UBAP2: variants seen among roughly 807,000 people sequenced by gnomAD.
The protein encoded by UBAP2 is ubiquitin-associated protein 2.
In UBAP2, 75 loss-of-function variants were observed where a neutral mutation model predicts 139.6. The observed-to-expected ratio is 0.54, with a 90% CI of 0.45 to 0.65. The LOEUF is 0.65. UBAP2 is among the 30% of genes least tolerant of loss of function. UBAP2 has a pLI of 0.00. For synonymous variants in UBAP2, 526 were observed against 526.2 expected, an observed-to-expected ratio of 1.00 and a Z score of 0.01; for missense variants, 1,368 against 1,369.6, an observed-to-expected ratio of 1.00 and a Z score of 0.02.
intron 8 of UBAP2, among the ~76,000 whole-genome samples, chr9:33,966,015 G>A (rs967450353): frequency 3.4e-5 from 5 of 148,696 alleles, no homozygotes; most frequent in Non-Finnish European, 7.4e-5. Context: ...GTGCCACTGC[G>A]CTCCAGCCTG....
At chr9:34,049,148 C>G (rs1254861374), upstream of UBAP2, among the ~76,000 whole-genome samples, 12 of 152,224 alleles carry the variant, frequency 7.9e-5, no homozygotes, top group Non-Finnish European at 2.9e-5. Flanking sequence ...GTATTACCCA[C>G]CGCATACAAG....
chr9:34,016,046 TTCA>T (rs1363953367), intron 2 of UBAP2, among the ~76,000 whole-genome samples: 1 of 152,090 alleles, frequency 6.6e-6, no homozygotes, highest in Non-Finnish European at 1.5e-5. Flanking sequence ...ACCTTGGATT[TTCA>T]TATTTCATTC....
intron 1 of UBAP2, among the ~76,000 whole-genome samples, chr9:34,046,991 C>A (rs1827662527): frequency 6.6e-6 from 1 of 152,112 alleles, no homozygotes; most frequent in African/African-American, 2.4e-5. Flanking sequence ...TACTGCTGAT[C>A]CAGCCCACAT....
At position 33,948,390 on chromosome 9, in the gene UBAP2, T is replaced by G. The variant is rs1423182981; in HGVS notation, c.1254A>C (p.Ser418=). ...TATACCTACCAAGATGACTGAGGAC[T>G]GAGGACTGGGATGTTGGGGGCTTGA... is the stretch of plus-strand genomic sequence containing the variant. ...WDLKPPTSQS[S]VLSHLDFKSQ... Residue 418 remains serine, a synonymous_variant, in exon 13 of 29, where the codon TCA becomes TCC. Transcript: ENST00000379238. 1.2e-6 allele frequency: 2 copies of G among 1,611,682 alleles called. No homozygotes were observed. Among genetic ancestry groups the G allele is most frequent in the East Asian group, 2.2e-5 (1 of 44,838 alleles).
chr9:34,018,093 G>A (rs1824544307), intron 1 of UBAP2, among the ~76,000 whole-genome samples: 1 of 151,764 alleles, frequency 6.6e-6, no homozygotes, highest in Non-Finnish European at 1.5e-5. Flanking sequence ...AGGCTAAGAT[G>A]GGAAGACTGC....
intron 1 of UBAP2, among the ~76,000 whole-genome samples, chr9:34,024,871 C>T (rs957030122): frequency 1.1e-4 from 17 of 151,842 alleles, no homozygotes; most frequent in Admixed American, 3.3e-4. Flanking sequence ...GTAATCCCAG[C>T]TATTTGGGAG....
intron 2 of UBAP2, among the ~76,000 whole-genome samples, chr9:34,007,419 C>T (rs902301183): frequency 6.6e-6 from 1 of 151,340 alleles, no homozygotes; most frequent in African/African-American, 2.4e-5. Flanking sequence ...TCTCTTGAGC[C>T]TAGGGGGGTC....
At chr9:34,039,847 TAAAAAA>T (rs74180526) in intron 1 of UBAP2, among the ~76,000 whole-genome samples, 14,994 of 84,444 alleles carry the variant, frequency 0.18, 1,141 homozygotes, top group African/African-American at 0.29. Context: ...CAATAAATAC[TAAAAAA>T]AAAAAAAAAA....
intron 17 of UBAP2, 123 bp from the exon 18 acceptor site, chr9:33,933,751 A>C: frequency 1.4e-6 from 2 of 1,389,324 alleles, no homozygotes; most frequent in Non-Finnish European, 1.9e-6. Context: ...CCATAAAGTT[A>C]CATTCCCCAG....
rs745994336 is a variant in UBAP2 at position 33,923,897 on chromosome 9, C to A, written c.2694G>T (p.Gln898His). 6.2e-7 allele frequency: 1 copy of A among 1,614,192 alleles called. No homozygotes were observed. The highest frequency in any genetic ancestry group is 1.1e-5 in the South Asian group (1 of 91,086). ...GCAGTGCAGGATTCACGAAGGGCTG[C>A]TGGGCTGTGTGGTGGGTCTGTGATT... The part of the protein sequence containing the change: ...QSQSQTHHTA[Q>H]QPFVNPALPP... The change falls in exon 24 of 29, where the codon CAG (glutamine) becomes CAT (histidine). Residue 898 changes from glutamine to histidine, a missense_variant. By Grantham distance (24) the Gln-to-His change is conservative. Coordinates refer to ENST00000379238, the MANE Select transcript of UBAP2 (RefSeq NM_001370062.2).
Position 34,015,510 on chromosome 9 carries a change from A to G in UBAP2, c.99+1540T>C, listed in dbSNP as rs1236636286. 1.1e-4 allele frequency among the ~76,000 whole-genome samples: 16 copies of G among 151,006 alleles called. No individual in the cohort carries two copies. In the East Asian group the frequency reaches 2.9e-3, roughly 28 times the overall value. On this transcript the variant is annotated intron_variant, in intron 2 of 28. Transcript: ENST00000379238. The stretch of plus-strand genomic sequence containing the variant: ...AATTTTCGTATTTTTTTTTTTTAGT[A>G]GAGACAGGGTTTCACCATGTTGGCC...
Position 33,956,156 on chromosome 9 carries a change from A to G in UBAP2, c.799-10T>C, listed in dbSNP as rs373444652. On this transcript the variant is annotated splice_polypyrimidine_tract_variant and intron_variant, in intron 10 of 28. Transcript: ENST00000379238. ...CCTTTGTTTCAGAAAGCTGTATGGA[A>G]AGTTGAAAAATTTAATCTTATTCTA... 6.1e-5 allele frequency: 98 copies of G among 1,611,276 alleles called. No individual in the cohort carries two copies. Among genetic ancestry groups the G allele is most frequent in the Non-Finnish European group, 8.1e-5 (95 of 1,178,294 alleles).
At chr9:34,036,151 G>A (rs1826347148) in intron 1 of UBAP2, among the ~76,000 whole-genome samples, 1 of 143,386 alleles carries the variant, frequency 7.0e-6, no homozygotes, top group Admixed American at 7.1e-5. Flanking sequence ...TTTCACTCTT[G>A]TTGCCCAGGC....
At chr9:34,003,822 C>A (rs914472384) in intron 2 of UBAP2, among the ~76,000 whole-genome samples, 1 of 152,086 alleles carries the variant, frequency 6.6e-6, no homozygotes, top group African/African-American at 2.4e-5. Flanking sequence ...CAGGTTGAAG[C>A]AATTCTAGTG....
At chr9:33,984,749 A>G (rs960958847) in intron 6 of UBAP2, among the ~76,000 whole-genome samples, 1 of 152,134 alleles carries the variant, frequency 6.6e-6, no homozygotes, top group African/African-American at 2.4e-5. Flanking sequence ...GTACACAAAA[A>G]ATGCTCATCA....
intron 2 of UBAP2, among the ~76,000 whole-genome samples, chr9:34,002,521 G>C (rs1015373292): frequency 1.7e-4 from 26 of 151,652 alleles, no homozygotes; most frequent in African/African-American, 6.3e-4. Flanking sequence ...AGGATTACAG[G>C]TGCATGCCAC....
intron 1 of UBAP2, among the ~76,000 whole-genome samples, chr9:34,022,037 G>A (rs1215134511): frequency 6.6e-6 from 1 of 152,166 alleles, no homozygotes; most frequent in African/African-American, 2.4e-5. Context: ...CTGATGACAG[G>A]AGTTCAAGAC....
chr9:34,022,790 C>A (rs913290781), intron 1 of UBAP2, among the ~76,000 whole-genome samples: 1 of 152,084 alleles, frequency 6.6e-6, no homozygotes, highest in Non-Finnish European at 1.5e-5. Flanking sequence ...CAGAATTAAG[C>A]ATCTAATCAA....
intron 6 of UBAP2, among the ~76,000 whole-genome samples, chr9:33,980,436 T>A (rs1195426766): frequency 6.7e-6 from 1 of 149,756 alleles, no homozygotes. Flanking sequence ...AGAGACAGGG[T>A]TTCACCGTGT....
Sources: gnomAD v4.1 joint callset for allele counts (sites outside exome capture counted in the v4.1 genomes callset) on GRCh38, gnomAD v4.1.1 for gene constraint, MANE v1.5 for transcripts, NCBI Gene and HGNC (gene_info 2026-07-23, HGNC 2026-07-21) for gene names.